INTS4: variants seen among roughly 807,000 people sequenced by gnomAD.
INTS4 encodes integrator complex subunit 4.
In INTS4, 70 loss-of-function variants were observed where a neutral mutation model predicts 119.5. That is an observed-to-expected ratio of 0.59 (90% CI 0.48 to 0.71). The LOEUF (loss-of-function observed/expected upper bound fraction) is 0.71, where lower values mean the gene tolerates loss of function less well. Ranked by LOEUF, INTS4 falls within the 30% of genes least tolerant of loss-of-function variation. INTS4 has a pLI of 0.00. For missense variants in INTS4, 867 were observed against 1,173.2 expected, an observed-to-expected ratio of 0.74 and a Z score of 3.81; for synonymous variants, 316 against 419.6, an observed-to-expected ratio of 0.75 and a Z score of 3.02.
chr11:77,936,915 C>T (rs1284356888), intron 10 of INTS4, among the ~76,000 whole-genome samples: 1 of 152,090 alleles, frequency 6.6e-6, no homozygotes, highest in Non-Finnish European at 1.5e-5. Flanking sequence ...TGGCTCACAC[C>T]TGTAATCCCA....
chr11:77,950,186 G>A (rs1192041357), intron 8 of INTS4, among the ~76,000 whole-genome samples: 1 of 152,078 alleles, frequency 6.6e-6, no homozygotes, highest in African/African-American at 2.4e-5. Flanking sequence ...ATGGACACAA[G>A]GAGGGAAACA....
chr11:77,888,649 G>A (rs1220514087), intron 21 of INTS4, among the ~76,000 whole-genome samples: 1 of 152,048 alleles, frequency 6.6e-6, no homozygotes, highest in Non-Finnish European at 1.5e-5. Flanking sequence ...CATACAAAAT[G>A]GGAGAAAATT....
At chr11:77,931,395 A>G (rs1356522474) in intron 10 of INTS4, among the ~76,000 whole-genome samples, 1 of 152,210 alleles carries the variant, frequency 6.6e-6, no homozygotes, top group Non-Finnish European at 1.5e-5. Flanking sequence ...TATAAATGTG[A>G]TAAAATTAGA....
At chr11:77,928,074 T>C (rs77986587) in intron 11 of INTS4, among the ~76,000 whole-genome samples, 19,988 of 152,160 alleles carry the variant, frequency 0.13, 1,512 homozygotes, top group East Asian at 0.26. Flanking sequence ...CAGCACTTCC[T>C]CCTTCTTCCC....
At chr11:77,894,840 A>C (rs558439913) in intron 18 of INTS4, among the ~76,000 whole-genome samples, 64 of 152,334 alleles carry the variant, frequency 4.2e-4, no homozygotes, top group Middle Eastern at 6.8e-3. Context: ...ACTGCACTCA[A>C]TGAAGCCTAC....
At chr11:77,993,139 A>C (rs778580126) in intron 1 of INTS4, among the ~76,000 whole-genome samples, 3 of 152,214 alleles carry the variant, frequency 2.0e-5, no homozygotes, top group Non-Finnish European at 4.4e-5. Flanking sequence ...TTAGTGAGCC[A>C]GGCCCTATTG....
At chr11:77,919,864 A>T (rs763593497) in intron 14 of INTS4, among the ~76,000 whole-genome samples, 147 of 152,200 alleles carry the variant, frequency 9.7e-4, no homozygotes, top group Middle Eastern at 3.4e-3. Context: ...GCGGGAGTGC[A>T]GTGGCGCAAT....
intron 4 of INTS4, among the ~76,000 whole-genome samples, chr11:77,971,512 C>T (rs1383404091): frequency 6.6e-6 from 1 of 152,026 alleles, no homozygotes; most frequent in African/African-American, 2.4e-5. Flanking sequence ...GCTGGGCACA[C>T]GCCTGTAATC....
In INTS4 at chr11:77,958,800, A is replaced by T; in HGVS notation, c.743T>A (p.Val248Glu). The part of the protein sequence containing the change: ...CKLLSDDYEQ[V>E]RSAAVQLIWV... ...GATAAGCTGGACTGCAGCACTGCGC[A>T]CTTGTTCATAGTCATCAGAGAGTAA... The change falls in exon 7 of 23, where the codon GTG (valine) becomes GAG (glutamate). Residue 248 changes from valine to glutamate, a missense_variant. Physicochemically the swap from Val to Glu is moderately radical, Grantham distance 121 (BLOSUM62 -2). Coordinates refer to ENST00000534064, the MANE Select transcript of INTS4 (RefSeq NM_033547.4). 1 of 1,610,612 alleles carries T rather than the reference A, an allele frequency of 6.2e-7. No homozygotes were observed. The highest frequency in any genetic ancestry group is 2.2e-5 in the East Asian group (1 of 44,884).
At chr11:77,990,423 C>G (rs1004929509) in intron 2 of INTS4, among the ~76,000 whole-genome samples, 1 of 151,870 alleles carries the variant, frequency 6.6e-6, no homozygotes, top group Non-Finnish European at 1.5e-5. Flanking sequence ...CAGTGGCTCA[C>G]GCCTGTAATC....
intron 8 of INTS4, among the ~76,000 whole-genome samples, chr11:77,954,910 T>C (rs1417070595): frequency 1.3e-5 from 2 of 152,196 alleles, no homozygotes; most frequent in African/African-American, 4.8e-5. Context: ...AAAAACTTTT[T>C]TTTTATTGTT....
In INTS4 at chr11:77,920,182, T is replaced by C. The variant is rs376116299; in HGVS notation, c.1764+1158A>G. On this transcript the variant is annotated intron_variant, in intron 14 of 22. Transcript: ENST00000534064. ...ATACACATATATATACATATACATA[T>C]ACACATATATATACATATATATACA... is the stretch of plus-strand genomic sequence containing the variant. Among the ~76,000 whole-genome samples, 328 of 98,102 alleles carry C rather than the reference T, an allele frequency of 3.3e-3. 1 individual carries two copies. Among genetic ancestry groups the C allele is most frequent in the African/African-American group, 0.011 (276 of 25,188 alleles). 64.4% of individuals were successfully genotyped at this position (98,102 alleles called of 152,430 possible). A position where few individuals can be genotyped will look rare whatever the true frequency, so the allele number is the denominator to read the frequency against.
intron 18 of INTS4, among the ~76,000 whole-genome samples, chr11:77,898,457 C>T (rs1373349532): frequency 3.3e-5 from 5 of 152,136 alleles, no homozygotes; most frequent in African/African-American, 7.2e-5. Flanking sequence ...CCACTGCGCC[C>T]GGCCAACTGG....
intron 21 of INTS4, among the ~76,000 whole-genome samples, chr11:77,887,689 A>G (rs1952076691): frequency 6.6e-6 from 1 of 152,156 alleles, no homozygotes; most frequent in Non-Finnish European, 1.5e-5. Context: ...TCTCAGCCCA[A>G]AATCTCCTTA....
At position 77,977,611 on chromosome 11, in the gene INTS4, T is replaced by C. The variant is rs145065140; in HGVS notation, c.471+1385A>G. ...TTCCCTTTGGGTACTGAATTATGAA[T>C]GCATTTTTCTTTACAGTTTTCAGTA... On this transcript the variant is annotated intron_variant, in intron 4 of 22. Transcript: ENST00000534064. 1.9e-3 allele frequency among the ~76,000 whole-genome samples: 285 copies of C among 151,756 alleles called. 1 individual carries two copies. Among genetic ancestry groups the C allele is most frequent in the African/African-American group, 6.4e-3 (264 of 41,526 alleles).
chr11:77,876,206 T>C (rs1318177354), downstream of INTS4, among the ~76,000 whole-genome samples: 1 of 152,150 alleles, frequency 6.6e-6, no homozygotes, highest in East Asian at 1.9e-4. Flanking sequence ...TGGCTCTGAC[T>C]GCTGGGTGCA....
At chr11:77,978,953 G>T in intron 4 of INTS4, 43 bp downstream of exon 4, 1 of 1,246,830 alleles carries the variant, frequency 8.0e-7, no homozygotes, top group Non-Finnish European at 1.2e-6. Context: ...GCAGTCCTCA[G>T]TTACCAGTTT....
At chr11:77,975,659 T>C (rs1855914856) in intron 4 of INTS4, among the ~76,000 whole-genome samples, 1 of 152,090 alleles carries the variant, frequency 6.6e-6, no homozygotes, top group African/African-American at 2.4e-5. Context: ...ATTTTTACCC[T>C]ATTAAGAACC....
At chr11:77,921,997 C>CTCCA (rs1332897332) in intron 13 of INTS4, among the ~76,000 whole-genome samples, 2 of 152,052 alleles carry the variant, frequency 1.3e-5, no homozygotes, top group Admixed American at 6.6e-5. Flanking sequence ...TGCCACTGCA[C>CTCCA]TCCAGCCCAA....
Sources: allele counts gnomAD v4.1 joint callset (sites outside exome capture counted in the v4.1 genomes callset), GRCh38; gene constraint gnomAD v4.1.1; transcripts MANE v1.5; gene names NCBI Gene and HGNC (gene_info 2026-07-23, HGNC 2026-07-21).